METTL8: variants seen among roughly 807,000 people sequenced by gnomAD.
METTL8 encodes methyltransferase 8, tRNA N3-cytidine.
A neutral mutation model predicts 48.7 loss-of-function variants in METTL8; 32 were observed. That is an observed-to-expected ratio of 0.66 (90% CI 0.50 to 0.88). The LOEUF is 0.88. Among genes scored for constraint, METTL8 ranks in the 40% least tolerant of loss-of-function variants. The pLI is 0.00. For missense variants in METTL8, 464 were observed against 474.4 expected (o/e 0.98, Z 0.20); for synonymous variants, 136 against 157.1 (o/e 0.87, Z 1.01).
At chr2:171,385,958 T>C (rs1182166656) in intron 2 of METTL8, among the ~76,000 whole-genome samples, 4 of 152,150 alleles carry the variant, frequency 2.6e-5, no homozygotes, top group Non-Finnish European at 5.9e-5. Flanking sequence ...ACAGAATAAC[T>C]AAAAGAGCCT....
intron 3 of METTL8, among the ~76,000 whole-genome samples, chr2:171,343,457 A>G (rs772177548): frequency 4.0e-5 from 6 of 151,742 alleles, no homozygotes; most frequent in Non-Finnish European, 7.4e-5. Flanking sequence ...AAATAAATAA[A>G]TAAATATAAA....
chr2:171,355,766 C>T (rs1385973980), intron 3 of METTL8, among the ~76,000 whole-genome samples: 1 of 152,120 alleles, frequency 6.6e-6, no homozygotes, highest in African/African-American at 2.4e-5. Context: ...ACCCTCCAAG[C>T]CAGGCATTTG....
rs79020483 is a variant in METTL8, at chr2:171,346,738, G to C, written c.236-7184C>G. Among the ~76,000 whole-genome samples the C allele has an allele frequency of 1.9e-3, 292 of 152,332 alleles. 7 individuals are homozygous for C. In the East Asian group the frequency reaches 0.029, roughly 15 times the overall value. On this transcript the variant is annotated intron_variant, in intron 3 of 9. Transcript: ENST00000375258. ...GTGGTTCACAGAGGCACTTGCCGAA[G>C]AGCCAGGTCACTGCTTCCTCTGGGG... is the stretch of plus-strand genomic sequence containing the variant.
At chr2:171,371,720 C>T (rs958078101) in intron 2 of METTL8, among the ~76,000 whole-genome samples, 4 of 152,038 alleles carry the variant, frequency 2.6e-5, no homozygotes, top group African/African-American at 7.2e-5. Context: ...CAGCCTCAAA[C>T]TCCTGAGTTC....
intron 5 of METTL8, among the ~76,000 whole-genome samples, chr2:171,336,108 T>C (rs979247500): frequency 2.0e-4 from 30 of 152,138 alleles, no homozygotes; most frequent in Non-Finnish European, 3.7e-4. Flanking sequence ...CTGCTTTTTT[T>C]TTTTTTGAGA....
chr2:171,391,454 G>A (rs1047737686), intron 2 of METTL8, among the ~76,000 whole-genome samples: 2 of 152,164 alleles, frequency 1.3e-5, no homozygotes, highest in African/African-American at 4.8e-5. Context: ...TTCTGACTAT[G>A]CCCAAACAGA....
At chr2:171,348,123 TA>T (rs1245731344) in intron 3 of METTL8, among the ~76,000 whole-genome samples, 3 of 152,204 alleles carry the variant, frequency 2.0e-5, no homozygotes, top group Non-Finnish European at 4.4e-5. Context: ...ATTTGTAGAC[TA>T]AAGTCACCAG....
intron 2 of METTL8, among the ~76,000 whole-genome samples, chr2:171,365,978 G>A (rs764700780): frequency 2.0e-5 from 3 of 152,198 alleles, no homozygotes; most frequent in Non-Finnish European, 2.9e-5. Flanking sequence ...AGAAGGCAGA[G>A]ATCAGAGTTC....
At chr2:171,327,837 C>T (rs1351129451) in intron 7 of METTL8, among the ~76,000 whole-genome samples, 1 of 152,166 alleles carries the variant, frequency 6.6e-6, no homozygotes, top group Non-Finnish European at 1.5e-5. Context: ...ATATCTAAAC[C>T]TTAAAATATT....
At position 171,330,547 on chromosome 2, in the gene METTL8, G is replaced by A. The variant is rs369455241; in HGVS notation, c.860+12C>T. 128 of 1,610,242 alleles carry A rather than the reference G, an allele frequency of 7.9e-5. No individual in the cohort carries two copies. The highest frequency in any genetic ancestry group is 2.1e-4 in the African/African-American group (16 of 74,696). Reference sequence around the variant, plus strand: ...CTTTACACATCCACTTTGCCCTTTCGTCTTCATTTACCTGTCAGGATGAAT... The same window carrying A: ...CTTTACACATCCACTTTGCCCTTTCATCTTCATTTACCTGTCAGGATGAAT... On this transcript the variant is annotated intron_variant, in intron 7 of 9. Coordinates refer to ENST00000375258, the MANE Select transcript of METTL8 (RefSeq NM_001321154.2).
chr2:171,373,888 T>C (rs1225241957), intron 2 of METTL8, among the ~76,000 whole-genome samples: 1 of 152,250 alleles, frequency 6.6e-6, no homozygotes, highest in Non-Finnish European at 1.5e-5. Flanking sequence ...TGTAGGCTTG[T>C]AGTATAGTTT....
At chr2:171,410,290 A>C (rs1211188077) in intron 1 of METTL8, among the ~76,000 whole-genome samples, 1 of 152,244 alleles carries the variant, frequency 6.6e-6, no homozygotes, top group Non-Finnish European at 1.5e-5. Flanking sequence ...GTGGATGAAA[A>C]GAAATGTCCT....
chr2:171,380,972 G>A (rs1479296824), intron 2 of METTL8, among the ~76,000 whole-genome samples: 1 of 152,142 alleles, frequency 6.6e-6, no homozygotes, highest in Non-Finnish European at 1.5e-5. Flanking sequence ...TAAAGCTGGA[G>A]GCATCATGCT....
intron 3 of METTL8, among the ~76,000 whole-genome samples, chr2:171,350,541 A>C (rs563572183): frequency 6.6e-6 from 1 of 152,292 alleles, no homozygotes; most frequent in Non-Finnish European, 1.5e-5. Context: ...TCGCCACACT[A>C]TCTTCCACAA....
At chr2:171,356,952 A>ATGTTTTTGTTTT in intron 3 of METTL8, among the ~76,000 whole-genome samples, 4 of 78,464 alleles carry the variant, frequency 5.1e-5, no homozygotes, top group Admixed American at 1.9e-4. Flanking sequence ...CAAAGACAAT[A>ATGTTTTTGTTTT]TTTTTTTTTT....
At chr2:171,410,523 TAGCTAAA>T (rs1157222649) in intron 1 of METTL8, among the ~76,000 whole-genome samples, 1 of 152,248 alleles carries the variant, frequency 6.6e-6, no homozygotes, top group Non-Finnish European at 1.5e-5. Context: ...TAATGTTGTT[TAGCTAAA>T]AACTAAACCT....
chr2:171,346,642 A>G (rs1687292727), intron 3 of METTL8, among the ~76,000 whole-genome samples: 1 of 152,222 alleles, frequency 6.6e-6, no homozygotes, highest in African/African-American at 2.4e-5. Flanking sequence ...TAATCTGCAT[A>G]TAGAATACTC....
chr2:171,340,943 T>C (rs1399744786), intron 3 of METTL8, among the ~76,000 whole-genome samples: 1 of 152,220 alleles, frequency 6.6e-6, no homozygotes, highest in African/African-American at 2.4e-5. Flanking sequence ...AATATGCATT[T>C]TATGATGTCA....
chr2:171,414,818 G>A (rs970127837), intron 1 of METTL8: 1 of 151,868 alleles, frequency 6.6e-6, no homozygotes, highest in Admixed American at 6.6e-5. Flanking sequence ...ATCTTGAATT[G>A]TAGCTCTCAT....
Sources: gnomAD v4.1 joint callset for allele counts (sites outside exome capture counted in the v4.1 genomes callset) on GRCh38, gnomAD v4.1.1 for gene constraint, MANE v1.5 for transcripts, NCBI Gene and HGNC (gene_info 2026-07-23, HGNC 2026-07-21) for gene names.